SDR16C5: variants seen among roughly 807,000 people sequenced by gnomAD.
SDR16C5 encodes the protein epidermal retinol dehydrogenase 2.
Under a neutral mutation model 27.7 loss-of-function variants are expected in SDR16C5, and 20 were observed. The ratio of observed to expected loss-of-function variants is 0.72; its 90% confidence interval spans 0.51 to 1.05. The LOEUF is 1.05. Among genes scored for constraint, SDR16C5 ranks in the 50% least tolerant of loss-of-function variants. The probability of loss-of-function intolerance (pLI) is 0.00; values close to 1 mark genes in which losing one functional copy is unlikely to be tolerated. For synonymous variants in SDR16C5, 139 were observed against 132.3 expected (o/e 1.05, Z -0.35); for missense variants, 374 against 366.3 (o/e 1.02, Z -0.17).
chr8:56,304,541 CTT>C (rs112185986), intron 6 of SDR16C5, among the ~76,000 whole-genome samples: 1 of 145,038 alleles, frequency 6.9e-6, no homozygotes, highest in African/African-American at 2.5e-5. Context: ...GTTTTTTGCA[CTT>C]TTTTTTTTTT....
At position 56,300,321 on chromosome 8, in the gene SDR16C5, A is replaced by C. The variant is rs971074791; in HGVS notation, c.*1159T>G. 1.2e-4 allele frequency: 19 copies of C among 152,062 alleles called. 1 individual carries two copies. The highest frequency in any genetic ancestry group is 8.5e-4 in the Admixed American group (13 of 15,272). 9.4% of individuals were successfully genotyped at this position (152,062 alleles called of 1,614,324 possible). A position where few individuals can be genotyped will look rare whatever the true frequency, so the allele number is the denominator to read the frequency against. On this transcript the variant is annotated 3_prime_UTR_variant, in exon 7 of 7. Transcript: ENST00000303749. ...CCCCTATGACAGCATTTTACCCCCA[A>C]GATAGTCAAATTCTCAATTCTTTAG...
At chr8:56,303,329 AG>A (rs372607628) in intron 6 of SDR16C5, among the ~76,000 whole-genome samples, 3 of 149,330 alleles carry the variant, frequency 2.0e-5, no homozygotes, top group African/African-American at 5.0e-5. Flanking sequence ...AAAAAAAAAA[AG>A]AAAAAAAAAA....
At chr8:56,306,949 G>A (rs1473208516) in intron 4 of SDR16C5, 129 bp from the exon 5 acceptor site, 2 of 779,904 alleles carry the variant, frequency 2.6e-6, no homozygotes, top group African/African-American at 3.5e-5. Context: ...TGTAATCTTG[G>A]TCTACTCCCA....
chr8:56,318,147 T>C (rs920667497), intron 1 of SDR16C5, among the ~76,000 whole-genome samples: 3 of 152,204 alleles, frequency 2.0e-5, no homozygotes, highest in Non-Finnish European at 2.9e-5. Flanking sequence ...GTAGCTTTCC[T>C]GGCAGAGGGA....
chr8:56,316,938 T>C (rs913564005), intron 1 of SDR16C5, among the ~76,000 whole-genome samples: 4 of 152,206 alleles, frequency 2.6e-5, no homozygotes, highest in Non-Finnish European at 5.9e-5. Flanking sequence ...GTTCTAGACC[T>C]TTTCCGACAG....
intron 2 of SDR16C5, among the ~76,000 whole-genome samples, chr8:56,313,626 T>A (rs1815106533): frequency 6.6e-6 from 1 of 152,248 alleles, no homozygotes; most frequent in African/African-American, 2.4e-5. Flanking sequence ...TGTCCCATAA[T>A]GTGGGACCAC....
intron 3 of SDR16C5, among the ~76,000 whole-genome samples, chr8:56,310,667 G>A (rs1242394947): frequency 2.0e-5 from 3 of 150,562 alleles, no homozygotes; most frequent in South Asian, 4.2e-4. Flanking sequence ...GCAGTGAGCC[G>A]AGATCGCGCC....
At chr8:56,314,759 G>T (rs1815146513) in intron 2 of SDR16C5, among the ~76,000 whole-genome samples, 1 of 152,190 alleles carries the variant, frequency 6.6e-6, no homozygotes, top group African/African-American at 2.4e-5. Flanking sequence ...AAACTTATCT[G>T]CCAGGGACCT....
chr8:56,310,127 AGG>A, intron 3 of SDR16C5, among the ~76,000 whole-genome samples: 1 of 91,042 alleles, frequency 1.1e-5, no homozygotes, highest in Non-Finnish European at 2.1e-5. Context: ...AGGAAGGAGG[AGG>A]AGGAGGGAGG....
intron 1 of SDR16C5, among the ~76,000 whole-genome samples, chr8:56,319,270 T>C (rs1022610568): frequency 1.3e-5 from 2 of 152,106 alleles, no homozygotes; most frequent in Non-Finnish European, 2.9e-5. Flanking sequence ...CCCATAATAA[T>C]GTGGCACAGC....
rs1814745515 is a variant in SDR16C5 at position 56,301,238 on chromosome 8, A to T, written c.*242T>A. On this transcript the variant is annotated 3_prime_UTR_variant, in exon 7 of 7. Transcript: ENST00000303749. Reference sequence around the variant, plus strand: ...TACATCTGTGGTAATGGAAATGACAAAAATGGGCTGTCTTTATTTTTGGAA... The same window carrying T: ...TACATCTGTGGTAATGGAAATGACATAAATGGGCTGTCTTTATTTTTGGAA... 5.0e-6 allele frequency: 2 copies of T among 403,896 alleles called. No homozygotes were observed. Among genetic ancestry groups the T allele is most frequent in the South Asian group, 3.4e-5 (1 of 29,346 alleles). The allele number at this position is 403,896 out of a possible 1,614,324, so 25.0% of individuals were successfully genotyped here. A position where few individuals can be genotyped will look rare whatever the true frequency, so the allele number is the denominator to read the frequency against.
intron 3 of SDR16C5, 46 bp from the exon 4 acceptor site, chr8:56,309,073 T>C (rs775884574): frequency 2.2e-5 from 31 of 1,399,066 alleles, no homozygotes; most frequent in African/African-American, 2.9e-5. Flanking sequence ...CCACATTGTA[T>C]AATTTTCTCA....
chr8:56,310,168 G>A (rs1417384579), intron 3 of SDR16C5, among the ~76,000 whole-genome samples: 28 of 5,120 alleles, frequency 5.5e-3, no homozygotes, highest in African/African-American at 7.2e-3. Flanking sequence ...GAGGAGGAGG[G>A]AGGAGGAGGA....
intron 6 of SDR16C5, among the ~76,000 whole-genome samples, chr8:56,304,904 G>T (rs1814844621): frequency 6.6e-6 from 1 of 152,054 alleles, no homozygotes; most frequent in Non-Finnish European, 1.5e-5. Context: ...TAAGTAGCTG[G>T]GACTACAGGG....
chr8:56,315,292 T>C (rs1815162751), intron 2 of SDR16C5, among the ~76,000 whole-genome samples: 1 of 151,926 alleles, frequency 6.6e-6, no homozygotes, highest in South Asian at 2.1e-4. Flanking sequence ...CGTGCCTCTA[T>C]GATGGTAAGA....
intron 5 of SDR16C5, 99 bp from the exon 6 acceptor site, chr8:56,305,821 A>G: frequency 8.2e-7 from 1 of 1,226,566 alleles, no homozygotes; most frequent in Non-Finnish European, 1.1e-6. Context: ...TTAAGACGTT[A>G]TCACTTATTT....
chr8:56,312,096 G>A, intron 3 of SDR16C5, 61 bp downstream of exon 3: 1 of 1,434,682 alleles, frequency 7.0e-7, no homozygotes, highest in Non-Finnish European at 9.7e-7. Context: ...AAGAGCAAGA[G>A]GAAAATACTT....
Sources: gnomAD v4.1 joint callset for allele counts (sites outside exome capture counted in the v4.1 genomes callset) on GRCh38, gnomAD v4.1.1 for gene constraint, MANE v1.5 for transcripts, NCBI Gene and HGNC (gene_info 2026-07-23, HGNC 2026-07-21) for gene names.